Variants in FMN1 observed in about 807,000 individuals in gnomAD.
The protein encoded by FMN1 is formin-1.
In FMN1, 110 loss-of-function variants were observed where a neutral mutation model predicts 132.4. The ratio of observed to expected loss-of-function variants is 0.83; its 90% CI spans 0.71 to 0.97. The LOEUF (loss-of-function observed/expected upper bound fraction) is 0.97, where lower values mean the gene tolerates loss of function less well. Among genes scored for constraint, FMN1 ranks in the 50% least tolerant of loss-of-function variants. The probability of loss-of-function intolerance (pLI) is 0.00; values close to 1 mark genes in which losing one functional copy is unlikely to be tolerated. For missense variants in FMN1, 1,792 were observed against 1,705.3 expected (o/e 1.05, Z -0.90); for synonymous variants, 722 against 651.7 (o/e 1.11, Z -1.64).
chr15:32,975,615 A>C (rs968307773), intron 7 of FMN1, among the ~76,000 whole-genome samples: 1 of 152,156 alleles, frequency 6.6e-6, no homozygotes, highest in Non-Finnish European at 1.5e-5. Context: ...TGGACTAGAA[A>C]ACTCATAAAA....
rs2056331887 is a variant in FMN1, at chr15:32,773,989, G to A, written c.*321C>T. 3 of 350,902 alleles carry A rather than the reference G, an allele frequency of 8.5e-6. No homozygotes were observed. The highest frequency in any genetic ancestry group is 7.8e-4 in the Middle Eastern group (1 of 1,278). The allele number at this position is 350,902 out of a possible 1,614,324, so 21.7% of individuals were successfully genotyped here. A position where few individuals can be genotyped will look rare whatever the true frequency, so the allele number is the denominator to read the frequency against. On this transcript the variant is annotated 3_prime_UTR_variant, in exon 21 of 21. Transcript: ENST00000616417. ...ATATCAAGCTTTGGTTATAAAGCTG[G>A]AAATCTCAGCTTTTAAAAAAATTTT... is the stretch of plus-strand genomic sequence containing the variant.
intron 4 of FMN1, among the ~76,000 whole-genome samples, chr15:33,113,602 G>A (rs1380825535): frequency 6.6e-6 from 1 of 152,122 alleles, no homozygotes; most frequent in Non-Finnish European, 1.5e-5. Context: ...ATCATCCAGT[G>A]TCAGTATACG....
chr15:32,983,034 C>T (rs1203786757), intron 7 of FMN1, among the ~76,000 whole-genome samples: 1 of 152,088 alleles, frequency 6.6e-6, no homozygotes, highest in East Asian at 1.9e-4. Flanking sequence ...TACACGCACA[C>T]ATAGACGCAC....
At chr15:33,144,192 A>C (rs1964118163) in intron 4 of FMN1, among the ~76,000 whole-genome samples, 1 of 152,160 alleles carries the variant, frequency 6.6e-6, no homozygotes, top group Non-Finnish European at 1.5e-5. Context: ...TTCCTTTCTG[A>C]CTTGATTTAA....
At chr15:32,900,597 C>T (rs77425715) in intron 13 of FMN1, among the ~76,000 whole-genome samples, 11,090 of 152,126 alleles carry the variant, frequency 0.073, 610 homozygotes, top group African/African-American at 0.15. Flanking sequence ...TCTTTATCCC[C>T]GGATATAATT....
chr15:32,936,658 G>A (rs1208675598), intron 9 of FMN1, among the ~76,000 whole-genome samples: 1 of 151,544 alleles, frequency 6.6e-6, no homozygotes, highest in Non-Finnish European at 1.5e-5. Context: ...GGGAGTGGGA[G>A]GAAGAGGAGA....
At chr15:33,107,593 T>C (rs139799568) in intron 4 of FMN1, among the ~76,000 whole-genome samples, 3,047 of 152,220 alleles carry the variant, frequency 0.02, 61 homozygotes, top group South Asian at 0.093. Context: ...TGGTGTTTTC[T>C]TGGCTAAGAT....
chr15:33,081,056 A>G (rs931299994), intron 5 of FMN1, among the ~76,000 whole-genome samples: 1 of 152,166 alleles, frequency 6.6e-6, no homozygotes, highest in African/African-American at 2.4e-5. Flanking sequence ...GACAAGTCAC[A>G]CAGATGTACA....
intron 4 of FMN1, among the ~76,000 whole-genome samples, chr15:33,120,556 TTAC>T (rs1321198434): frequency 1.3e-5 from 2 of 152,092 alleles, no homozygotes; most frequent in Admixed American, 6.5e-5. Context: ...ACCCCAGAGA[TTAC>T]TATTTTTTTA....
At chr15:33,106,935 C>T (rs920214017) in intron 4 of FMN1, among the ~76,000 whole-genome samples, 2 of 152,096 alleles carry the variant, frequency 1.3e-5, no homozygotes, top group African/African-American at 4.8e-5. Context: ...TAAATATCAT[C>T]TCAGCTCTAG....
At chr15:33,160,277 T>C (rs888344082) in intron 3 of FMN1, among the ~76,000 whole-genome samples, 1 of 151,758 alleles carries the variant, frequency 6.6e-6, no homozygotes, top group Non-Finnish European at 1.5e-5. Flanking sequence ...GCTTTGAAAA[T>C]GGAACTGACA....
intron 4 of FMN1, among the ~76,000 whole-genome samples, chr15:33,115,502 C>CACA (rs1490351147): frequency 2.3e-4 from 34 of 146,716 alleles, no homozygotes; most frequent in African/African-American, 8.4e-4. Context: ...CCCCCCCCCC[C>CACA]CACACACACA....
chr15:33,026,439 C>CACACACACACACACACACACA (rs201115791), intron 6 of FMN1, among the ~76,000 whole-genome samples: 4 of 151,594 alleles, frequency 2.6e-5, no homozygotes, highest in African/African-American at 2.4e-5. Flanking sequence ...CACACACACA[C>CACACACACACACACACACACA]TTCTGTTTAT....
At chr15:32,976,889 T>TG (rs1044225365) in intron 7 of FMN1, among the ~76,000 whole-genome samples, 1 of 152,160 alleles carries the variant, frequency 6.6e-6, no homozygotes, top group African/African-American at 2.4e-5. Flanking sequence ...CAACATGGCG[T>TG]GAGTGTTCCA....
At chr15:32,940,133 T>C (rs2061367792) in intron 9 of FMN1, among the ~76,000 whole-genome samples, 1 of 152,166 alleles carries the variant, frequency 6.6e-6, no homozygotes, top group African/African-American at 2.4e-5. Flanking sequence ...AGCCATAAAC[T>C]ACAACAGTCC....
Position 33,008,314 on chromosome 15 carries a change from T to C in FMN1, c.2162-239A>G, listed in dbSNP as rs1596459663. ...CACAAATTAAGCAGATGGGATAGGG[T>C]TAAAAGAAAAAAAAAGGGATGATGA... On this transcript the variant is annotated intron_variant, in intron 6 of 20. Coordinates refer to ENST00000616417, the MANE Select transcript of FMN1 (RefSeq NM_001277313.2). Among the ~76,000 whole-genome samples, 3 of 151,700 alleles carry C rather than the reference T, an allele frequency of 2.0e-5. No homozygotes were observed. In the East Asian group the frequency reaches 5.8e-4, roughly 29 times the overall value.
In FMN1 at chr15:33,041,402, A is replaced by G. The variant is rs1596533617; in HGVS notation, c.2161+23555T>C. 2.0e-5 allele frequency among the ~76,000 whole-genome samples: 3 copies of G among 150,480 alleles called. 1 individual carries two copies. The highest frequency in any genetic ancestry group is 7.3e-5 in the African/African-American group (3 of 41,206). On this transcript the variant is annotated intron_variant, in intron 6 of 20. Coordinates refer to ENST00000616417, the MANE Select transcript of FMN1 (RefSeq NM_001277313.2). ...GTTCCTCACCAGTTAAAAAAAAAAA[A>G]AAAAGACTGGAAAAAAATAGTTACT...
chr15:33,066,650 G>A (rs372046014), intron 5 of FMN1: 46 of 1,613,708 alleles, frequency 2.9e-5, no homozygotes, highest in Non-Finnish European at 3.8e-5. Flanking sequence ...CTTTCTGGGG[G>A]GCCGGATGAA....
At chr15:33,127,934 A>C (rs1297911884) in intron 4 of FMN1, among the ~76,000 whole-genome samples, 3 of 152,122 alleles carry the variant, frequency 2.0e-5, no homozygotes, top group African/African-American at 4.8e-5. Context: ...ATAGAAGAAG[A>C]GGCAGCAACA....
Sources: allele counts gnomAD v4.1 joint callset (sites outside exome capture counted in the v4.1 genomes callset), GRCh38; gene constraint gnomAD v4.1.1; transcripts MANE v1.5; gene names NCBI Gene and HGNC (gene_info 2026-07-23, HGNC 2026-07-21).